The following TJP1 variants were observed in gnomAD, a reference collection of about 807,000 sequenced individuals.
The protein encoded by TJP1 is tight junction protein 1, also known as tight junction protein ZO-1.
Under a neutral mutation model 194.2 loss-of-function variants are expected in TJP1, and 43 were observed. The observed-to-expected ratio is 0.22, with a 90% CI of 0.17 to 0.29. The LOEUF (loss-of-function observed/expected upper bound fraction) is 0.29, where lower values mean the gene tolerates loss of function less well. Among genes scored for constraint, TJP1 ranks in the 10% least tolerant of loss-of-function variants. The pLI, the probability that TJP1 is intolerant of heterozygous loss-of-function variation, is 1.00. For synonymous variants in TJP1, 801 were observed against 779.0 expected, an observed-to-expected ratio of 1.03 and a Z score of -0.47; for missense variants, 1,971 against 2,185.7, an observed-to-expected ratio of 0.90 and a Z score of 1.96.
intron 2 of TJP1, among the ~76,000 whole-genome samples, chr15:29,883,288 G>A (rs74008590): frequency 0.016 from 2,343 of 145,198 alleles, 58 homozygotes; most frequent in African/African-American, 0.055. Flanking sequence ...GCAGCCCTGG[G>A]ACACTTGCAA....
At chr15:29,796,032 A>T (rs2048380133) in intron 2 of TJP1, among the ~76,000 whole-genome samples, 1 of 152,098 alleles carries the variant, frequency 6.6e-6, no homozygotes, top group Non-Finnish European at 1.5e-5. Flanking sequence ...CAAAATAGAA[A>T]TACAAGGGAA....
chr15:29,818,164 G>A (rs1567091959), intron 1 of TJP1, among the ~76,000 whole-genome samples: 2 of 152,092 alleles, frequency 1.3e-5, no homozygotes, highest in African/African-American at 4.8e-5. Context: ...CTATTCCCGA[G>A]ACTTAACAAA....
chr15:29,799,415 A>T (rs999499739), intron 2 of TJP1, among the ~76,000 whole-genome samples: 5 of 151,606 alleles, frequency 3.3e-5, no homozygotes, highest in Admixed American at 6.6e-5. Context: ...CAGAAAAAAA[A>T]ATTTTTTTTT....
chr15:29,949,634 A>T (rs1596311286), intron 2 of TJP1, among the ~76,000 whole-genome samples: 3 of 92,778 alleles, frequency 3.2e-5, no homozygotes, highest in African/African-American at 4.3e-5. Context: ...CTCCACCTCC[A>T]CCACCTCCAC....
rs7166878 is a variant in TJP1, at chr15:29,716,652, C to A, written c.4161G>T (p.Ala1387=). ...ASHLSEPAKP[A]HSQNQSNFSS... is the part of the protein sequence containing the mutation. ...AAAAATTTGATTGATTCTGAGAATGCGCTGGCTTTGCAGGCTCGGAGAGAT... is the reference window on the plus strand; with the variant it reads ...AAAAATTTGATTGATTCTGAGAATGAGCTGGCTTTGCAGGCTCGGAGAGAT... Residue 1387 remains alanine (A), a synonymous_variant, in exon 23 of 28, where the codon GCG becomes GCT. Coordinates refer to ENST00000614355, the MANE Select transcript of TJP1 (RefSeq NM_001330239.4). 1,613,494 of 1,613,866 alleles carry A rather than the reference C, an allele frequency of 1. 806,562 individuals are homozygous for A. Among genetic ancestry groups the A allele is most frequent in the East Asian group, 1 (44,876 of 44,876 alleles).
chr15:29,824,468 T>TCAA (rs1241731939), upstream of TJP1, among the ~76,000 whole-genome samples: 1 of 150,658 alleles, frequency 6.6e-6, no homozygotes, highest in Non-Finnish European at 1.5e-5. Context: ...ATCATCATCA[T>TCAA]CATCATCATC....
At chr15:29,932,470 A>G (rs1311247111) in intron 2 of TJP1, among the ~76,000 whole-genome samples, 2 of 152,176 alleles carry the variant, frequency 1.3e-5, no homozygotes, top group Non-Finnish European at 2.9e-5. Flanking sequence ...GCCACATCCA[A>G]AAACTAAATT....
chr15:29,753,311 G>A (rs1298513958), intron 8 of TJP1, among the ~76,000 whole-genome samples: 7 of 151,314 alleles, frequency 4.6e-5, no homozygotes, highest in Non-Finnish European at 8.8e-5. Context: ...GTGAAACCCC[G>A]TCTCTACTAA....
At chr15:29,723,563 A>T (rs2043063216) in intron 18 of TJP1, among the ~76,000 whole-genome samples, 1 of 152,244 alleles carries the variant, frequency 6.6e-6, no homozygotes, top group East Asian at 1.9e-4. Flanking sequence ...TCTTTACAGC[A>T]GTTCAAGAGC....
Position 29,708,721 on chromosome 15 carries a change from A to G in TJP1, c.4688T>C (p.Leu1563Ser). 5 of 1,614,252 alleles carry G rather than the reference A, an allele frequency of 3.1e-6. No individual in the cohort carries two copies. Among genetic ancestry groups the G allele is most frequent in the Non-Finnish European group, 4.2e-6 (5 of 1,180,044 alleles). ...TGGAGAAGTGGGAGTTTTTGAAGAC[A>G]AGTCAGGTTTATGTGCAGTTTCACT... is the stretch of plus-strand genomic sequence containing the variant. ...LPSETAHKPD[L>S]SSKTPTSPKT... The change falls in exon 25 of 28, where the codon TTG becomes TCG. Residue 1563 changes from leucine to serine, a missense_variant. This residue lies in a region of TJP1 where 1,108 missense variants were observed against 1,128.5 expected (regional missense o/e 0.98). Transcript: ENST00000614355.
chr15:29,926,820 T>G (rs1310155039), intron 2 of TJP1, among the ~76,000 whole-genome samples: 1 of 152,208 alleles, frequency 6.6e-6, no homozygotes, highest in Non-Finnish European at 1.5e-5. Context: ...GTCTTCACTT[T>G]GGTGTCTTCT....
Position 29,741,353 on chromosome 15 carries a change from T to C in TJP1, c.1234A>G (p.Thr412Ala), listed in dbSNP as rs1445710559. The change falls in exon 10 of 28, where the codon ACT becomes GCT. Residue 412 changes from threonine (T) to alanine (A), a missense_variant. Thr to Ala is a moderately conservative substitution (Grantham distance 58). Transcript: ENST00000614355. Reference protein sequence around the residue: ...SPSDGVLPNSTHEDGILRPSM... With the variant: ...SPSDGVLPNSAHEDGILRPSM... ...TACCGAAGAATCCCATCTTCATGAG[T>C]TGAATTAGGTAGGACACCATCAGAT... is the stretch of plus-strand genomic sequence containing the variant. 6.3e-7 allele frequency: 1 copy of C among 1,590,274 alleles called. No individual in the cohort carries two copies. The highest frequency in any genetic ancestry group is 1.2e-5 in the South Asian group (1 of 85,626).
intron 9 of TJP1, among the ~76,000 whole-genome samples, chr15:29,742,077 C>T (rs1359807767): frequency 6.6e-6 from 1 of 151,620 alleles, no homozygotes; most frequent in African/African-American, 2.4e-5. Context: ...CAACAAAAAA[C>T]AAAGAAAACC....
upstream of TJP1, among the ~76,000 whole-genome samples, chr15:29,825,272 C>T (rs898137848): frequency 1.3e-5 from 2 of 152,162 alleles, no homozygotes; most frequent in East Asian, 1.9e-4. Context: ...TGCTTACACA[C>T]GCATGTCATC....
chr15:29,790,751 C>CTTTTTTTTTTTTTTT (rs926624507), intron 2 of TJP1, among the ~76,000 whole-genome samples: 1 of 130,798 alleles, frequency 7.6e-6, no homozygotes, highest in Non-Finnish European at 1.7e-5. Flanking sequence ...GTTCATTTTT[C>CTTTTTTTTTTTTTTT]TTTTTTTTTT....
intron 15 of TJP1, 196 bp from the exon 16 acceptor site, chr15:29,728,215 T>C (rs549968588): frequency 6.6e-6 from 3 of 453,868 alleles, no homozygotes; most frequent in Non-Finnish European, 3.9e-6. Context: ...TTTCAACTAC[T>C]TTAATATTCT....
At chr15:29,897,146 G>C (rs1406300649) in intron 2 of TJP1, among the ~76,000 whole-genome samples, 1 of 152,194 alleles carries the variant, frequency 6.6e-6, no homozygotes, top group African/African-American at 2.4e-5. Flanking sequence ...AGAGGCCTAG[G>C]AGGAAAACAT....
At chr15:29,830,092 A>G (rs935766563) in intron 2 of TJP1, among the ~76,000 whole-genome samples, 3 of 152,040 alleles carry the variant, frequency 2.0e-5, no homozygotes, top group African/African-American at 7.2e-5. Context: ...TTTACATTAA[A>G]TCAGTGACCT....
At chr15:29,872,488 C>A (rs1199037308) in intron 2 of TJP1, among the ~76,000 whole-genome samples, 1 of 152,182 alleles carries the variant, frequency 6.6e-6, no homozygotes, top group Non-Finnish European at 1.5e-5. Flanking sequence ...CCACGGAGGT[C>A]TGCCCTCTGA....
Sources: gnomAD v4.1 joint callset for allele counts (sites outside exome capture counted in the v4.1 genomes callset) on GRCh38, gnomAD v4.1.1 for gene constraint, gnomAD v4.1.1 regional missense constraint, MANE v1.5 for transcripts, NCBI Gene and HGNC (gene_info 2026-07-23, HGNC 2026-07-21) for gene names.